SEPTIN9: variants seen among roughly 807,000 people sequenced by gnomAD.
SEPTIN9 encodes septin-9.
A neutral mutation model predicts 56.6 loss-of-function variants in SEPTIN9; 13 were observed. The observed-to-expected ratio is 0.23, with a 90% CI of 0.15 to 0.37. SEPTIN9 has a LOEUF of 0.37. Ranked by LOEUF, SEPTIN9 falls within the 10% of genes least tolerant of loss-of-function variation. The probability of loss-of-function intolerance (pLI) is 1.00; values close to 1 mark genes in which losing one functional copy is unlikely to be tolerated. For missense variants in SEPTIN9, 650 were observed against 823.1 expected (o/e 0.79, Z 2.57); for synonymous variants, 332 against 334.1 (o/e 0.99, Z 0.07).
Position 77,317,340 on chromosome 17 carries a change from A to G in SEPTIN9, c.76+10143A>G, listed in dbSNP as rs1400881616. 6.6e-6 allele frequency among the ~76,000 whole-genome samples: 1 copy of G among 152,228 alleles called. No homozygotes were observed. Among genetic ancestry groups the G allele is most frequent in the African/African-American group, 2.4e-5 (1 of 41,460 alleles). ...TGTCCTATTAGGAACTGGCCTGCACAGCAGGAGGTGAGTGACTGGCAAGCG... is the reference window on the plus strand; with the variant it reads ...TGTCCTATTAGGAACTGGCCTGCACGGCAGGAGGTGAGTGACTGGCAAGCG... On this transcript the variant is annotated intron_variant, in intron 2 of 11. Transcript: ENST00000427177. The surrounding 1 kb of genome is among the most constrained non-coding windows in gnomAD (Gnocchi z 4.2).
chr17:77,319,446 G>A lies in SEPTIN9; in HGVS notation c.76+12249G>A, dbSNP rs1400531839. On this transcript the variant is annotated intron_variant, in intron 2 of 11. Coordinates refer to ENST00000427177, the MANE Select transcript of SEPTIN9 (RefSeq NM_001113491.2). This position sits in a 1 kb window ranked among gnomAD's most constrained non-coding sequence, Gnocchi z 5.3. ...CGGCTAGAGACTCACTGACTCATGC[G>A]TGTGTGGTAGGAATCTTCCAGGAAG... The A allele has an allele frequency of 9.7e-6, 6 of 617,290 alleles. No individual in the cohort carries two copies. The highest frequency in any genetic ancestry group is 6.0e-5 in the Admixed American group (1 of 16,730). 38.2% of individuals were successfully genotyped at this position (617,290 alleles called of 1,614,324 possible).
chr17:77,435,814 G>A lies in SEPTIN9; in HGVS notation c.721+33111G>A, dbSNP rs771102984. ...CCCAGGACAGTGTGAATGCAGCAGC[G>A]CAAGCTTGCCAGCGCCGCACTGCGG... On this transcript the variant is annotated intron_variant, in intron 3 of 11. Transcript: ENST00000427177. The surrounding 1 kb of genome is among the most constrained non-coding windows in gnomAD (Gnocchi z 4.5). 9.9e-5 allele frequency among the ~76,000 whole-genome samples: 15 copies of A among 152,226 alleles called. No homozygotes were observed. Among genetic ancestry groups the A allele is most frequent in the Non-Finnish European group, 1.9e-4 (13 of 68,042 alleles).
At chr17:77,452,913 C>T (rs1174659346) in intron 3 of SEPTIN9, among the ~76,000 whole-genome samples, 1 of 150,400 alleles carries the variant, frequency 6.6e-6, no homozygotes, top group Non-Finnish European at 1.5e-5. Flanking sequence ...TCTTGTTTCT[C>T]CTTGGGTCTC....
chr17:77,465,199 T>C (rs980176928), intron 3 of SEPTIN9, among the ~76,000 whole-genome samples: 1 of 152,240 alleles, frequency 6.6e-6, no homozygotes, highest in Non-Finnish European at 1.5e-5. Flanking sequence ...CCGAATAATA[T>C]TCCATCGTGG....
chr17:77,390,366 A>AAT (rs1481550707), intron 2 of SEPTIN9, among the ~76,000 whole-genome samples: 4 of 138,792 alleles, frequency 2.9e-5, no homozygotes, highest in Non-Finnish European at 6.2e-5. Flanking sequence ...AAAAAAAAAA[A>AAT]GGAGTAGAGA....
At chr17:77,459,767 C>T (rs1044380688) in intron 3 of SEPTIN9, among the ~76,000 whole-genome samples, 4 of 152,004 alleles carry the variant, frequency 2.6e-5, no homozygotes, top group Admixed American at 1.3e-4. Context: ...AGTGCAGTGG[C>T]ACAATCCTCG....
In SEPTIN9 at chr17:77,389,828, C is replaced by T. The variant is rs538952051; in HGVS notation, c.77-12231C>T. Among the ~76,000 whole-genome samples the T allele has an allele frequency of 4.5e-4, 69 of 152,336 alleles. No homozygotes were observed. The highest frequency in any genetic ancestry group is 1.4e-3 in the African/African-American group (59 of 41,572). ...CCTCAATCTGCTCCTAGTGGAGCAG[C>T]CAGCAGCTGGTTTAGAACCCGGGGG... On this transcript the variant is annotated intron_variant, in intron 2 of 11. Coordinates refer to ENST00000427177, the MANE Select transcript of SEPTIN9 (RefSeq NM_001113491.2). This position sits in a 1 kb window ranked among gnomAD's most constrained non-coding sequence, Gnocchi z 4.3.
intron 2 of SEPTIN9, among the ~76,000 whole-genome samples, chr17:77,336,998 G>GTTTT (rs61414789): frequency 1.6e-5 from 2 of 128,486 alleles, no homozygotes; most frequent in Non-Finnish European, 1.6e-5. Context: ...TTTGCCCCCC[G>GTTTT]TTTTTTTTTT....
rs1384694283 is a variant in SEPTIN9 at position 77,330,532 on chromosome 17, CCCTGGGCAGTGTTTCTGTTCA to C, written c.76+23341_76+23361del. Among the ~76,000 whole-genome samples, 2 of 152,216 alleles carry C rather than the reference CCCTGGGCAGTGTTTCTGTTCA, an allele frequency of 1.3e-5. No homozygotes were observed. The highest frequency in any genetic ancestry group is 2.9e-5 in the Non-Finnish European group (2 of 68,034). ...TTTCCTGGATTCTTCCTCCGTTCTC[CCCTGGGCAGTGTTTCTGTTCA>C]CCTGGAAAGGATGGGTAGGACTTGG... is the stretch of plus-strand genomic sequence containing the variant. On this transcript the variant is annotated intron_variant, in intron 2 of 11. Coordinates refer to ENST00000427177, the MANE Select transcript of SEPTIN9 (RefSeq NM_001113491.2). The surrounding 1 kb of genome is among the most constrained non-coding windows in gnomAD (Gnocchi z 4.4).
rs1052499386 is a variant in SEPTIN9 at position 77,434,431 on chromosome 17, C to T, written c.721+31728C>T. On this transcript the variant is annotated intron_variant, in intron 3 of 11. Transcript: ENST00000427177. This position sits in a 1 kb window ranked among gnomAD's most constrained non-coding sequence, Gnocchi z 5.0. ...TCCATGGCTCCCTCGTCCTGCACAT[C>T]CTTCCCTTGTTGTGTTGTCTCGCTA... 5.1e-4 allele frequency among the ~76,000 whole-genome samples: 78 copies of T among 152,168 alleles called. 2 individuals are homozygous for T. Among genetic ancestry groups the T allele is most frequent in the Admixed American group, 3.6e-3 (55 of 15,282 alleles).
chr17:77,321,192 G>C (rs1438699941), intron 2 of SEPTIN9, among the ~76,000 whole-genome samples: 1 of 152,198 alleles, frequency 6.6e-6, no homozygotes, highest in Non-Finnish European at 1.5e-5. Flanking sequence ...CCAAGCTCCA[G>C]GCTTTGGGTA....
Position 77,405,932 on chromosome 17 carries a change from G to A in SEPTIN9, c.721+3229G>A, listed in dbSNP as rs780083393. Among the ~76,000 whole-genome samples, 1 of 152,136 alleles carries A rather than the reference G, an allele frequency of 6.6e-6. No homozygotes were observed. Among genetic ancestry groups the A allele is most frequent in the Admixed American group, 6.5e-5 (1 of 15,278 alleles). ...AATCTCTGCGGCCCCTCTGTCCCCC[G>A]AGCACCAGGGATCCAGCTGGCACCA... On this transcript the variant is annotated intron_variant, in intron 3 of 11. Coordinates refer to ENST00000427177, the MANE Select transcript of SEPTIN9 (RefSeq NM_001113491.2). This position sits in a 1 kb window ranked among gnomAD's most constrained non-coding sequence, Gnocchi z 5.8.
rs1304717166 is a variant in SEPTIN9 at position 77,405,400 on chromosome 17, G to A, written c.721+2697G>A. Among the ~76,000 whole-genome samples the A allele has an allele frequency of 6.6e-6, 1 of 152,138 alleles. No homozygotes were observed. Among genetic ancestry groups the A allele is most frequent in the Non-Finnish European group, 1.5e-5 (1 of 68,026 alleles). Reference sequence around the variant, plus strand: ...AGGCAGGCCACGTGGAGGCAGCAGCGTTCAGAGCTGCCAGGAACCTGGCGC... The same window carrying A: ...AGGCAGGCCACGTGGAGGCAGCAGCATTCAGAGCTGCCAGGAACCTGGCGC... On this transcript the variant is annotated intron_variant, in intron 3 of 11. Transcript: ENST00000427177. The surrounding 1 kb of genome is among the most constrained non-coding windows in gnomAD (Gnocchi z 5.8).
chr17:77,406,748 G>A (rs942736038), intron 3 of SEPTIN9, among the ~76,000 whole-genome samples: 2 of 151,596 alleles, frequency 1.3e-5, no homozygotes, highest in Non-Finnish European at 2.9e-5. Context: ...TCAGCTTACT[G>A]CAACCTCTGC....
chr17:77,306,862 G>T lies in SEPTIN9; in HGVS notation c.20-279G>T, dbSNP rs142910755. On this transcript the variant is annotated intron_variant, in intron 1 of 11. Coordinates refer to ENST00000427177, the MANE Select transcript of SEPTIN9 (RefSeq NM_001113491.2). ...GGAAGTGACACTCTGTGGAGACTCAGATTCCTTATCTGCAAAACAGGGGTA... is the reference window on the plus strand; with the variant it reads ...GGAAGTGACACTCTGTGGAGACTCATATTCCTTATCTGCAAAACAGGGGTA... Among the ~76,000 whole-genome samples, 472 of 152,322 alleles carry T rather than the reference G, an allele frequency of 3.1e-3. 4 individuals are homozygous for T. Among genetic ancestry groups the T allele is most frequent in the African/African-American group, 0.011 (438 of 41,570 alleles).
chr17:77,314,341 C>CTTTTTTTTTT (rs33986509), intron 2 of SEPTIN9, among the ~76,000 whole-genome samples: 1 of 67,956 alleles, frequency 1.5e-5, no homozygotes, highest in East Asian at 4.2e-4. Flanking sequence ...TGTGCCTGGA[C>CTTTTTTTTTT]TTTTTTTTTT....
intron 2 of SEPTIN9, among the ~76,000 whole-genome samples, chr17:77,388,692 C>G (rs553923444): frequency 6.6e-6 from 1 of 152,152 alleles, no homozygotes; most frequent in Non-Finnish European, 1.5e-5. Flanking sequence ...TGTAATTAGG[C>G]TGCAGCTCAT....
At chr17:77,350,610 A>AGAGTGTGT (rs141783843) in intron 2 of SEPTIN9, among the ~76,000 whole-genome samples, 10 of 149,396 alleles carry the variant, frequency 6.7e-5, no homozygotes, top group Admixed American at 1.3e-4. Context: ...CCTCCAGTGC[A>AGAGTGTGT]GTGTGTGTGT....
intron 3 of SEPTIN9, among the ~76,000 whole-genome samples, chr17:77,443,524 G>A (rs1417053771): frequency 2.0e-5 from 3 of 152,188 alleles, no homozygotes; most frequent in Non-Finnish European, 4.4e-5. Flanking sequence ...TGGGTGCAGT[G>A]ACTCACGCCT....
Sources: allele counts gnomAD v4.1 joint callset (sites outside exome capture counted in the v4.1 genomes callset), GRCh38; gene constraint gnomAD v4.1.1; non-coding constraint Gnocchi (gnomAD v3.1); transcripts MANE v1.5; gene names NCBI Gene and HGNC (gene_info 2026-07-23, HGNC 2026-07-21).